Variants in SCAI observed in about 807,000 individuals in gnomAD.
SCAI encodes suppressor of cancer cell invasion, also known as protein SCAI.
SCAI carries 24 observed loss-of-function variants against 92.2 expected under a neutral mutation model. The observed-to-expected ratio is 0.26, with a 90% confidence interval of 0.19 to 0.37. The LOEUF (loss-of-function observed/expected upper bound fraction) is 0.37, where lower values mean the gene tolerates loss of function less well. SCAI is among the 10% of genes least tolerant of loss of function. The pLI, the probability that SCAI is intolerant of heterozygous loss-of-function variation, is 1.00. For missense variants in SCAI, 450 were observed against 736.2 expected (o/e 0.61, Z 4.50); for synonymous variants, 261 against 258.6 (o/e 1.01, Z -0.09).
At position 125,091,849 on chromosome 9, in the gene SCAI, C is replaced by T. The variant is rs1192193269; in HGVS notation, c.99-35842G>A. On this transcript the variant is annotated intron_variant, in intron 2 of 17. Transcript: ENST00000336505. The surrounding 1 kb of genome is among the most constrained non-coding windows in gnomAD (Gnocchi z 4.3). ...GGCTTGGGCCGGGCACAGTGGCTCA[C>T]GCCTGTAATCCCAGCACTGCGGGAG... 2.6e-5 allele frequency among the ~76,000 whole-genome samples: 4 copies of T among 152,228 alleles called. No homozygotes were observed. Among genetic ancestry groups the T allele is most frequent in the Non-Finnish European group, 4.4e-5 (3 of 68,012 alleles).
intron 2 of SCAI, chr9:125,142,426 T>C (rs1835688258): frequency 2.3e-6 from 1 of 434,634 alleles, no homozygotes; most frequent in East Asian, 3.8e-5. Flanking sequence ...TTTCCCACAT[T>C]ATCTTAGATA....
intron 3 of SCAI, among the ~76,000 whole-genome samples, chr9:125,045,713 T>C (rs1311372630): frequency 6.6e-6 from 1 of 152,206 alleles, no homozygotes; most frequent in Admixed American, 6.5e-5. Flanking sequence ...TTCTCGGAAG[T>C]AGCACTTCTC....
chr9:124,995,159 C>A, intron 13 of SCAI, 144 bp from the exon 14 acceptor site: 3 of 567,952 alleles, frequency 5.3e-6, no homozygotes, highest in Admixed American at 3.3e-5. Flanking sequence ...GGAAAAAAAG[C>A]CTGTATTTAC....
chr9:125,100,952 C>T (rs997959315), intron 2 of SCAI, among the ~76,000 whole-genome samples: 11 of 152,098 alleles, frequency 7.2e-5, no homozygotes, highest in Admixed American at 4.6e-4. Context: ...GAGCTGGGCA[C>T]GGTGATGCAT....
chr9:125,092,395 G>A (rs1564409642), intron 2 of SCAI, among the ~76,000 whole-genome samples: 1 of 152,118 alleles, frequency 6.6e-6, no homozygotes, highest in African/African-American at 2.4e-5. Context: ...GGAGGCTACA[G>A]TGAGCCAAGA....
chr9:124,953,567 A>T (rs1322355113), intron 17 of SCAI, among the ~76,000 whole-genome samples: 1 of 152,004 alleles, frequency 6.6e-6, no homozygotes. Context: ...CGGAGGTTGC[A>T]GTGAGTTGAG....
chr9:125,002,460 T>C (rs1045304155), intron 11 of SCAI, among the ~76,000 whole-genome samples: 2 of 151,704 alleles, frequency 1.3e-5, no homozygotes, highest in Non-Finnish European at 2.9e-5. Context: ...ATAAGAAGCC[T>C]AGACACTCTG....
intron 2 of SCAI, among the ~76,000 whole-genome samples, chr9:125,102,420 A>T (rs1834696280): frequency 6.6e-6 from 1 of 151,970 alleles, no homozygotes. Context: ...ACCCTCCCTC[A>T]GTCCTCCTCT....
intron 2 of SCAI, among the ~76,000 whole-genome samples, chr9:125,137,821 C>CA (rs1835572047): frequency 6.6e-6 from 1 of 152,046 alleles, no homozygotes; most frequent in South Asian, 2.1e-4. Flanking sequence ...AGGCTGGTCT[C>CA]AAACTCCTGA....
At chr9:125,025,177 C>T (rs1832943988) in intron 6 of SCAI, among the ~76,000 whole-genome samples, 1 of 152,220 alleles carries the variant, frequency 6.6e-6, no homozygotes, top group East Asian at 1.9e-4. Flanking sequence ...CAAAGCCCCT[C>T]CTAACTACAC....
At chr9:125,007,589 A>G (rs970220134) in intron 9 of SCAI, among the ~76,000 whole-genome samples, 7 of 152,096 alleles carry the variant, frequency 4.6e-5, no homozygotes, top group African/African-American at 1.7e-4. Flanking sequence ...GGTCAAGGCT[A>G]CAGTGAGCCA....
chr9:124,958,634 T>C (rs1011593739), intron 17 of SCAI, among the ~76,000 whole-genome samples: 4 of 151,854 alleles, frequency 2.6e-5, no homozygotes, highest in African/African-American at 9.7e-5. Flanking sequence ...AGGCCAGGCG[T>C]GGTGGCTCAC....
At chr9:125,133,402 A>G (rs539315151) in intron 2 of SCAI, among the ~76,000 whole-genome samples, 20 of 152,372 alleles carry the variant, frequency 1.3e-4, no homozygotes, top group Non-Finnish European at 2.6e-4. Context: ...AACAAAAAAA[A>G]AAGATTTTGC....
intron 14 of SCAI, among the ~76,000 whole-genome samples, chr9:124,980,755 T>C (rs1831869171): frequency 6.6e-6 from 1 of 152,168 alleles, no homozygotes; most frequent in Non-Finnish European, 1.5e-5. Context: ...ACCCCACTTA[T>C]CTTTTTCTTT....
chr9:125,039,504 C>T (rs1017190821), intron 3 of SCAI, among the ~76,000 whole-genome samples: 3 of 151,950 alleles, frequency 2.0e-5, no homozygotes, highest in Admixed American at 1.3e-4. Context: ...GAGACTTTAT[C>T]GATTAACTTT....
chr9:125,094,789 G>A (rs1055899510), intron 2 of SCAI, among the ~76,000 whole-genome samples: 13 of 152,072 alleles, frequency 8.5e-5, no homozygotes, highest in Admixed American at 6.6e-4. Context: ...GGTGTAAGCC[G>A]CCACGCCCAG....
chr9:125,004,750 TA>T (rs1564374465), intron 9 of SCAI, among the ~76,000 whole-genome samples: 210 of 14,940 alleles, frequency 0.014, 6 homozygotes, highest in Non-Finnish European at 0.019. Context: ...TATATATATA[TA>T]TATATATATA....
At chr9:124,954,451 C>T (rs914476599) in intron 17 of SCAI, among the ~76,000 whole-genome samples, 1 of 152,198 alleles carries the variant, frequency 6.6e-6, no homozygotes, top group African/African-American at 2.4e-5. Flanking sequence ...GTTACACAAT[C>T]CTCCCACTGA....
At chr9:125,108,374 T>C (rs1377421166) in intron 2 of SCAI, among the ~76,000 whole-genome samples, 3 of 149,270 alleles carry the variant, frequency 2.0e-5, no homozygotes, top group African/African-American at 7.5e-5. Flanking sequence ...CGCCATCCCG[T>C]CTAGGAAGTG....
Sources: allele counts gnomAD v4.1 joint callset (sites outside exome capture counted in the v4.1 genomes callset), GRCh38; gene constraint gnomAD v4.1.1; non-coding constraint Gnocchi (gnomAD v3.1); transcripts MANE v1.5; gene names NCBI Gene and HGNC (gene_info 2026-07-23, HGNC 2026-07-21).